FKBP15: variants seen among roughly 807,000 people sequenced by gnomAD.
FKBP15 encodes the protein FKBP prolyl isomerase family member 15.
A neutral mutation model predicts 158.1 loss-of-function variants in FKBP15; 106 were observed. The ratio of observed to expected loss-of-function variants is 0.67; its 90% CI spans 0.57 to 0.79. FKBP15 has a LOEUF of 0.79. Among genes scored for constraint, FKBP15 ranks in the 30% least tolerant of loss-of-function variants. The pLI, the probability that FKBP15 is intolerant of heterozygous loss-of-function variation, is 0.00. For synonymous variants in FKBP15, 547 were observed against 548.6 expected (o/e 1.00, Z 0.04); for missense variants, 1,287 against 1,479.1 (o/e 0.87, Z 2.13).
chr9:113,211,534 A>C lies in FKBP15; in HGVS notation c.112T>G (p.Phe38Val). 1 of 1,609,350 alleles carries C rather than the reference A, an allele frequency of 6.2e-7. No homozygotes were observed. Residue 38 changes from phenylalanine to valine, a missense_variant, in exon 2 of 28, where the codon TTT becomes GTT. Coordinates refer to ENST00000238256, the MANE Select transcript of FKBP15 (RefSeq NM_015258.2). The stretch of plus-strand genomic sequence containing the variant: ...TGTTTTGGGGCTGTGTACTGGAAAA[A>C]TTCATTTCCATGGCCAGCAGCTGCC... The part of the protein sequence containing the change: ...DQAAAGHGNE[F>V]FQYTAPKQPK...
chr9:113,176,644 A>G lies in FKBP15; in HGVS notation c.2116T>C (p.Ser706Pro). ...ELQETSEQAQ[S>P]KFKSEKQNRK... is the part of the protein sequence containing the mutation. The stretch of plus-strand genomic sequence containing the variant: ...TTCTGCTTTTCACTTTTGAATTTGG[A>G]CTGTGCTTGCTCAGAGGTTTCTTGG... Residue 706 changes from serine to proline, a missense_variant, in exon 21 of 28, where the codon TCC (serine) becomes CCC (proline). Transcript: ENST00000238256. The G allele has an allele frequency of 1.2e-6, 2 of 1,607,934 alleles. No homozygotes were observed. The highest frequency in any genetic ancestry group is 1.7e-6 in the Non-Finnish European group (2 of 1,176,580).
At chr9:113,193,407 T>A in intron 11 of FKBP15, 85 bp downstream of exon 11, 1 of 1,103,296 alleles carries the variant, frequency 9.1e-7, no homozygotes, top group Non-Finnish European at 1.3e-6. Flanking sequence ...ACTCCTGCAC[T>A]GTAGTGATCC....
chr9:113,218,377 TTATATATATATATATATATATA>T (rs10539484), intron 1 of FKBP15, among the ~76,000 whole-genome samples: 3 of 101,504 alleles, frequency 3.0e-5, no homozygotes, highest in Admixed American at 1.1e-4. Context: ...GTAAATACAA[TTATATATATATATATATATATA>T]TATATATATA....
Position 113,198,885 on chromosome 9 carries a change from G to A in FKBP15, c.687C>T (p.Arg229=), listed in dbSNP as rs777584049. The A allele has an allele frequency of 1.2e-6, 2 of 1,605,992 alleles. No individual in the cohort carries two copies. Among genetic ancestry groups the A allele is most frequent in the Admixed American group, 1.7e-5 (1 of 59,074 alleles). Residue 229 remains arginine (R), a synonymous_variant, in exon 8 of 28, where the codon CGC becomes CGT. Transcript: ENST00000238256. The surrounding 1 kb of genome is among the most constrained non-coding windows in gnomAD (Gnocchi z 5.2). The stretch of plus-strand genomic sequence containing the variant: ...TGACTTTTCCTGATCCTAACTTCAA[G>A]CGAAGCAACTTATCTTTGTTAGCAG... ...DSTANKDKLL[R]LKLGSGKVIK...
chr9:113,165,841 T>C lies in FKBP15; in HGVS notation c.*237A>G, dbSNP rs1830089607. ...GCTTGGAGGGGAACCTACCAGTCCT[T>C]CTTCCAACTTGCTGCTGAAATCCCA... On this transcript the variant is annotated 3_prime_UTR_variant, in exon 28 of 28. Transcript: ENST00000238256. 1.1e-5 allele frequency: 5 copies of C among 451,056 alleles called. No homozygotes were observed. Among genetic ancestry groups the C allele is most frequent in the Non-Finnish European group, 2.0e-5 (5 of 244,658 alleles). 27.9% of individuals were successfully genotyped at this position (451,056 alleles called of 1,614,324 possible).
intron 4 of FKBP15, among the ~76,000 whole-genome samples, chr9:113,204,235 A>G (rs1830847233): frequency 6.6e-6 from 1 of 152,088 alleles, no homozygotes; most frequent in African/African-American, 2.4e-5. Flanking sequence ...GTGCCATCAC[A>G]CCTGGCTAAT....
intron 4 of FKBP15, chr9:113,206,246 A>C (rs1039740733): frequency 2.2e-5 from 11 of 505,026 alleles, no homozygotes; most frequent in Non-Finnish European, 3.2e-5. Context: ...CAACAAACAA[A>C]CAAAAAAATG....
intron 2 of FKBP15, among the ~76,000 whole-genome samples, chr9:113,208,954 C>T (rs1053890447): frequency 2.1e-5 from 3 of 144,310 alleles, no homozygotes; most frequent in African/African-American, 7.8e-5. Context: ...TTGCAATGAG[C>T]TGAGATCATG....
intron 21 of FKBP15, among the ~76,000 whole-genome samples, chr9:113,175,980 C>T (rs997147216): frequency 3.3e-5 from 5 of 152,116 alleles, no homozygotes; most frequent in African/African-American, 1.2e-4. Flanking sequence ...TGTAGCCTTC[C>T]CTTTGATCCC....
At chr9:113,183,658 C>A in intron 18 of FKBP15, 93 bp downstream of exon 18, 1 of 778,498 alleles carries the variant, frequency 1.3e-6, no homozygotes, top group Non-Finnish European at 2.1e-6. Context: ...GAAATACATA[C>A]GTACTGCCCT....
chr9:113,168,431 G>C, intron 27 of FKBP15, 29 bp downstream of exon 27: 1 of 1,592,008 alleles, frequency 6.3e-7, no homozygotes, highest in Non-Finnish European at 8.6e-7. Context: ...GGGTGTGTGA[G>C]GACTTGACAG....
At chr9:113,197,931 T>C (rs981941643) in intron 8 of FKBP15, among the ~76,000 whole-genome samples, 10 of 152,212 alleles carry the variant, frequency 6.6e-5, no homozygotes, top group Non-Finnish European at 1.3e-4. Flanking sequence ...TCCATAGGAT[T>C]CTGGGAAAAG....
At chr9:113,168,694 T>G in intron 26 of FKBP15, 138 bp from the exon 27 acceptor site, 1 of 719,518 alleles carries the variant, frequency 1.4e-6, no homozygotes, top group Non-Finnish European at 2.3e-6. Context: ...CCACCTCCGC[T>G]GCCACCATCT....
chr9:113,211,640 C>T (rs528594131), intron 1 of FKBP15, 48 bp from the exon 2 acceptor site: 2 of 1,395,416 alleles, frequency 1.4e-6, no homozygotes, highest in East Asian at 5.0e-5. Flanking sequence ...TATCCCAAAC[C>T]TGGAATTATT....
chr9:113,185,827 T>A (rs1465406803), intron 15 of FKBP15, among the ~76,000 whole-genome samples: 1 of 152,178 alleles, frequency 6.6e-6, no homozygotes, highest in Non-Finnish European at 1.5e-5. Flanking sequence ...CAGAGTAGCT[T>A]TCATTAGAGA....
intron 14 of FKBP15, chr9:113,186,768 G>C (rs572965256): frequency 6.2e-6 from 1 of 161,182 alleles, no homozygotes; most frequent in Non-Finnish European, 1.4e-5. Context: ...CAATTTCCAA[G>C]GATGCCTCTC....
At chr9:113,209,739 A>G (rs1830963308) in intron 2 of FKBP15, among the ~76,000 whole-genome samples, 1 of 152,262 alleles carries the variant, frequency 6.6e-6, no homozygotes, top group South Asian at 2.1e-4. Context: ...CAACAAAAGT[A>G]ACTTTGAAAT....
chr9:113,203,165 A>G lies in FKBP15; in HGVS notation c.325-130T>C, dbSNP rs1437190055. 7.9e-6 allele frequency: 5 copies of G among 634,448 alleles called. No individual in the cohort carries two copies. The Admixed American group carries it at 1.4e-4, about 18-fold the overall frequency. The allele number at this position is 634,448 out of a possible 1,614,324, so 39.3% of individuals were successfully genotyped here. A position where few individuals can be genotyped will look rare whatever the true frequency, so the allele number is the denominator to read the frequency against. On this transcript the variant is annotated intron_variant, in intron 4 of 27. Coordinates refer to ENST00000238256, the MANE Select transcript of FKBP15 (RefSeq NM_015258.2). The stretch of plus-strand genomic sequence containing the variant: ...GTGCTTCATACTAAACTCAAAATCT[A>G]TTCATCCTTTAAGGCTTCAACTTTA...
chr9:113,217,064 T>G (rs1251592872), intron 1 of FKBP15, among the ~76,000 whole-genome samples: 1 of 151,046 alleles, frequency 6.6e-6, no homozygotes, highest in Non-Finnish European at 1.5e-5. Context: ...CCACCAGGCC[T>G]GGCTAATTTT....
Sources: gnomAD v4.1 joint callset for allele counts (sites outside exome capture counted in the v4.1 genomes callset) on GRCh38, gnomAD v4.1.1 for gene constraint, Gnocchi (gnomAD v3.1) non-coding constraint, MANE v1.5 for transcripts, NCBI Gene and HGNC (gene_info 2026-07-23, HGNC 2026-07-21) for gene names.